NOS1AP: variants seen among roughly 807,000 people sequenced by gnomAD.
The protein encoded by NOS1AP is nitric oxide synthase 1 adaptor protein, also known as carboxyl-terminal PDZ ligand of neuronal nitric oxide synthase protein.
In NOS1AP, 21 loss-of-function variants were observed where a neutral mutation model predicts 56.2. The observed-to-expected ratio is 0.37, with a 90% CI of 0.26 to 0.54. The LOEUF (loss-of-function observed/expected upper bound fraction) is 0.54. NOS1AP is among the 20% of genes least tolerant of loss of function. The pLI, the probability that NOS1AP is intolerant of heterozygous loss-of-function variation, is 0.84. For missense variants in NOS1AP, 522 were observed against 657.8 expected, an observed-to-expected ratio of 0.79 and a Z score of 2.26; for synonymous variants, 270 against 274.6, an observed-to-expected ratio of 0.98 and a Z score of 0.17.
At chr1:162,281,576 T>G (rs1654929407) in intron 2 of NOS1AP, among the ~76,000 whole-genome samples, 1 of 152,144 alleles carries the variant, frequency 6.6e-6, no homozygotes, top group Admixed American at 6.5e-5. Context: ...TGTGAGCAGA[T>G]ATTTCAAGAA....
chr1:162,308,098 A>G (rs1004621783), intron 4 of NOS1AP, among the ~76,000 whole-genome samples: 10 of 152,252 alleles, frequency 6.6e-5, no homozygotes, highest in African/African-American at 2.4e-4. Flanking sequence ...GAGTACCTAC[A>G]AAGTGTAAAG....
chr1:162,118,920 A>C (rs1308119022), intron 1 of NOS1AP, among the ~76,000 whole-genome samples: 1 of 152,082 alleles, frequency 6.6e-6, no homozygotes, highest in Non-Finnish European at 1.5e-5. Flanking sequence ...ACTCATCAAC[A>C]GGGAGTGGAA....
At chr1:162,148,758 A>G (rs1341205618) in intron 1 of NOS1AP, among the ~76,000 whole-genome samples, 1 of 152,218 alleles carries the variant, frequency 6.6e-6, no homozygotes, top group East Asian at 1.9e-4. Context: ...TGGCAGCTTC[A>G]TGGAGAATGG....
chr1:162,292,959 G>T (rs1434260163), intron 3 of NOS1AP, among the ~76,000 whole-genome samples: 2 of 152,188 alleles, frequency 1.3e-5, no homozygotes, highest in African/African-American at 4.8e-5. Flanking sequence ...GTTACTGGCA[G>T]CCAGGGTGTG....
intron 1 of NOS1AP, among the ~76,000 whole-genome samples, chr1:162,093,607 T>G (rs1692178779): frequency 6.6e-6 from 1 of 151,828 alleles, no homozygotes; most frequent in Admixed American, 6.6e-5. Context: ...CAGGCTGGAG[T>G]GGTGTGGCAT....
chr1:162,273,726 TTA>T (rs1238282619), intron 2 of NOS1AP, among the ~76,000 whole-genome samples: 1 of 152,198 alleles, frequency 6.6e-6, no homozygotes, highest in Non-Finnish European at 1.5e-5. Context: ...TATTATGAAT[TTA>T]TGTGTCTGTA....
chr1:162,117,744 A>G (rs896683778), intron 1 of NOS1AP, among the ~76,000 whole-genome samples: 3 of 152,214 alleles, frequency 2.0e-5, no homozygotes, highest in Non-Finnish European at 2.9e-5. Flanking sequence ...TAAGATCCCA[A>G]CTGGAACGAG....
chr1:162,104,553 C>T (rs775547526), intron 1 of NOS1AP, among the ~76,000 whole-genome samples: 43 of 151,718 alleles, frequency 2.8e-4, no homozygotes, highest in Middle Eastern at 3.4e-3. Context: ...CCTACTCAGT[C>T]ATAGGTTTGG....
chr1:162,210,762 G>A (rs1425395986), intron 2 of NOS1AP, among the ~76,000 whole-genome samples: 3 of 152,206 alleles, frequency 2.0e-5, no homozygotes, highest in African/African-American at 7.2e-5. Context: ...GCTCTGGTTG[G>A]CAGGGCATGA....
intron 2 of NOS1AP, among the ~76,000 whole-genome samples, chr1:162,172,473 A>T (rs1162503572): frequency 1.3e-5 from 2 of 152,174 alleles, no homozygotes; most frequent in Admixed American, 6.5e-5. Flanking sequence ...AGTCCACATG[A>T]TGGCTTTGCT....
intron 1 of NOS1AP, among the ~76,000 whole-genome samples, chr1:162,129,859 A>G (rs924260330): frequency 6.6e-6 from 1 of 152,196 alleles, no homozygotes; most frequent in African/African-American, 2.4e-5. Context: ...TCATGCCTGT[A>G]TTATCTGTGA....
intron 6 of NOS1AP, among the ~76,000 whole-genome samples, chr1:162,350,966 T>G (rs1024439304): frequency 6.6e-6 from 1 of 152,220 alleles, no homozygotes; most frequent in Non-Finnish European, 1.5e-5. Context: ...AAAATTCCAC[T>G]CTTGATACCT....
In NOS1AP at chr1:162,081,755, G is replaced by GATACATAT. The variant is rs1218347698; in HGVS notation, c.105+11476_105+11477insCATATATA. Among the ~76,000 whole-genome samples the GATACATAT allele has an allele frequency of 1.6e-3, 116 of 71,528 alleles. 8 individuals are homozygous for GATACATAT. Among genetic ancestry groups the GATACATAT allele is most frequent in the African/African-American group, 5.7e-3 (113 of 19,732 alleles). The allele number at this position is 71,528 out of a possible 152,430, so 46.9% of individuals were successfully genotyped here. ...CTATATATCTATATCTATATCTATAGATATATATATATATATATATTTTTT... is the reference window on the plus strand; with the variant it reads ...CTATATATCTATATCTATATCTATAGATACATATATATATATATATATATATATTTTTT... On this transcript the variant is annotated intron_variant, in intron 1 of 9. Transcript: ENST00000361897.
intron 2 of NOS1AP, among the ~76,000 whole-genome samples, chr1:162,262,837 A>AAGTC (rs1490731950): frequency 6.6e-6 from 1 of 152,202 alleles, no homozygotes; most frequent in Non-Finnish European, 1.5e-5. Flanking sequence ...CGAGCCCTTG[A>AAGTC]AGTCAGTCAC....
At chr1:162,137,737 C>T (rs1649064131) in intron 1 of NOS1AP, among the ~76,000 whole-genome samples, 1 of 151,990 alleles carries the variant, frequency 6.6e-6, no homozygotes. Flanking sequence ...CTTGAGCCTT[C>T]AGTTATGCAC....
At chr1:162,205,437 A>T (rs1652130731) in intron 2 of NOS1AP, among the ~76,000 whole-genome samples, 1 of 152,208 alleles carries the variant, frequency 6.6e-6, no homozygotes, top group Admixed American at 6.5e-5. Flanking sequence ...CCCAGTTGCC[A>T]TACCACTTTT....
intron 6 of NOS1AP, among the ~76,000 whole-genome samples, chr1:162,348,389 A>G (rs944663549): frequency 6.6e-6 from 1 of 152,148 alleles, no homozygotes; most frequent in African/African-American, 2.4e-5. Flanking sequence ...CATGAGTACA[A>G]ATAGAGGCCA....
At chr1:162,310,142 C>T (rs940178776) in intron 4 of NOS1AP, among the ~76,000 whole-genome samples, 9 of 152,126 alleles carry the variant, frequency 5.9e-5, no homozygotes, top group East Asian at 1.9e-4. Flanking sequence ...ACTCAAATCC[C>T]GGAATGCATT....
At chr1:162,306,711 C>T (rs752901070) in intron 4 of NOS1AP, among the ~76,000 whole-genome samples, 27 of 152,116 alleles carry the variant, frequency 1.8e-4, no homozygotes, top group Non-Finnish European at 2.6e-4. Flanking sequence ...CTAAGTTGGG[C>T]GAATCACTTG....
Sources: gnomAD v4.1 joint callset for allele counts (sites outside exome capture counted in the v4.1 genomes callset) on GRCh38, gnomAD v4.1.1 for gene constraint, MANE v1.5 for transcripts, NCBI Gene and HGNC (gene_info 2026-07-23, HGNC 2026-07-21) for gene names.